Variants in TRPC4 observed in about 807,000 individuals in gnomAD.
TRPC4 encodes short transient receptor potential channel 4.
TRPC4 carries 49 observed loss-of-function variants against 99.4 expected under a neutral mutation model. The observed-to-expected ratio is 0.49, with a 90% CI of 0.39 to 0.63. The LOEUF (loss-of-function observed/expected upper bound fraction) is 0.63. Ranked by LOEUF, TRPC4 falls within the 20% of genes least tolerant of loss-of-function variation. TRPC4 has a pLI of 0.00. For missense variants in TRPC4, 898 were observed against 1,152.9 expected, an observed-to-expected ratio of 0.78 and a Z score of 3.20; for synonymous variants, 454 against 425.9, an observed-to-expected ratio of 1.07 and a Z score of -0.81.
chr13:37,676,759 TA>T (rs1329352183), intron 4 of TRPC4, among the ~76,000 whole-genome samples: 1 of 151,984 alleles, frequency 6.6e-6, no homozygotes, highest in Non-Finnish European at 1.5e-5. Context: ...AAGAAATACT[TA>T]CTAAAGACTT....
intron 1 of TRPC4, among the ~76,000 whole-genome samples, chr13:37,803,514 T>C (rs1398061735): frequency 6.6e-6 from 1 of 152,096 alleles, no homozygotes; most frequent in East Asian, 1.9e-4. Context: ...AGAGTAAACA[T>C]ATAAACAATT....
intron 1 of TRPC4, among the ~76,000 whole-genome samples, chr13:37,828,123 G>C (rs1958302968): frequency 6.6e-6 from 1 of 152,182 alleles, no homozygotes; most frequent in Non-Finnish European, 1.5e-5. Flanking sequence ...GCCTCGCCCT[G>C]CTTCGGCTGG....
In TRPC4 at chr13:37,654,943, A is replaced by T. The variant is rs900695281; in HGVS notation, c.1884+145T>A. Reference sequence around the variant, plus strand: ...ACATATAGTGTGCTACTGCTCAGAAATTTCAAATTAACCATTTATAATTCT... The same window carrying T: ...ACATATAGTGTGCTACTGCTCAGAATTTTCAAATTAACCATTTATAATTCT... On this transcript the variant is annotated intron_variant, in intron 7 of 10. Coordinates refer to ENST00000379705, the MANE Select transcript of TRPC4 (RefSeq NM_016179.4). 8.1e-6 allele frequency: 5 copies of T among 614,504 alleles called. No individual in the cohort carries two copies. The African/African-American group carries it at 9.6e-5, about 12-fold the overall frequency. 38.1% of individuals were successfully genotyped at this position (614,504 alleles called of 1,614,324 possible).
intron 8 of TRPC4, among the ~76,000 whole-genome samples, chr13:37,646,609 AAAATTG>A (rs1403537967): frequency 7.2e-5 from 11 of 152,246 alleles, no homozygotes; most frequent in Admixed American, 2.0e-4. Context: ...AAACTTCAAA[AAAATTG>A]TGGTAGATAC....
rs59651924 is a variant in TRPC4, at chr13:37,664,579, G to GAA, written c.1375-852_1375-851dup. Among the ~76,000 whole-genome samples the GAA allele has an allele frequency of 1.0e-3, 154 of 149,804 alleles. 1 individual carries two copies. The highest frequency in any genetic ancestry group is 9.3e-4 in the Non-Finnish European group (63 of 67,452). The stretch of plus-strand genomic sequence containing the variant: ...ATAAGAGTGAAACTCCATCTCAAAA[G>GAA]AAAAAAAAAGGGTCAAATATGCTCT... On this transcript the variant is annotated intron_variant, in intron 5 of 10. Transcript: ENST00000379705.
intron 2 of TRPC4, 106 bp from the exon 3 acceptor site, chr13:37,746,561 G>A: frequency 8.0e-7 from 1 of 1,243,476 alleles, no homozygotes; most frequent in South Asian, 1.9e-5. Context: ...ATATGTCCTT[G>A]GCCGGGTTTT....
At chr13:37,724,195 T>A (rs1954962398) in intron 3 of TRPC4, among the ~76,000 whole-genome samples, 1 of 152,168 alleles carries the variant, frequency 6.6e-6, no homozygotes, top group African/African-American at 2.4e-5. Context: ...AACACAGCCA[T>A]ACACATAACA....
intron 6 of TRPC4, among the ~76,000 whole-genome samples, chr13:37,657,588 AG>A (rs1279391874): frequency 7.9e-5 from 12 of 152,330 alleles, no homozygotes; most frequent in Admixed American, 3.9e-4. Context: ...TAGCAATTTA[AG>A]GAAAGTTGTA....
At chr13:37,831,789 G>A (rs756991591) in intron 1 of TRPC4, among the ~76,000 whole-genome samples, 56 of 152,170 alleles carry the variant, frequency 3.7e-4, no homozygotes, top group Non-Finnish European at 7.3e-4. Context: ...AGCACAGAGA[G>A]ACAAATACTT....
intron 1 of TRPC4, among the ~76,000 whole-genome samples, chr13:37,807,585 A>G (rs1957557818): frequency 6.6e-6 from 1 of 152,008 alleles, no homozygotes; most frequent in Admixed American, 6.6e-5. Context: ...CAAGGCATTC[A>G]ATTCCTGTTC....
chr13:37,636,605 T>C lies in TRPC4; in HGVS notation c.*298A>G, dbSNP rs927218788. On this transcript the variant is annotated 3_prime_UTR_variant, in exon 11 of 11. Transcript: ENST00000379705. ...ATGAAATAAATTGCATTTGTTTTAA[T>C]TGAAAAAGATAGCTAAAATGTTTCT... 3 of 218,332 alleles carry C rather than the reference T, an allele frequency of 1.4e-5. No individual in the cohort carries two copies. The highest frequency in any genetic ancestry group is 2.7e-5 in the Non-Finnish European group (3 of 112,302). 13.5% of individuals were successfully genotyped at this position (218,332 alleles called of 1,614,324 possible).
intron 2 of TRPC4, among the ~76,000 whole-genome samples, chr13:37,761,761 C>T (rs1377496219): frequency 6.6e-6 from 1 of 151,786 alleles, no homozygotes; most frequent in Non-Finnish European, 1.5e-5. Flanking sequence ...TTCAGTTTGA[C>T]CAGATTCATT....
intron 6 of TRPC4, among the ~76,000 whole-genome samples, chr13:37,658,981 C>T (rs543649427): frequency 2.6e-5 from 4 of 151,826 alleles, no homozygotes; most frequent in East Asian, 3.9e-4. Flanking sequence ...AGGCCATTCT[C>T]GAATAAGAGA....
intron 3 of TRPC4, among the ~76,000 whole-genome samples, chr13:37,735,116 T>C (rs1345988730): frequency 6.6e-6 from 1 of 151,540 alleles, no homozygotes; most frequent in Admixed American, 6.6e-5. Flanking sequence ...TCCTAGAGAG[T>C]TTTACTGTGT....
At chr13:37,738,827 T>A (rs1955488126) in intron 3 of TRPC4, among the ~76,000 whole-genome samples, 1 of 152,116 alleles carries the variant, frequency 6.6e-6, no homozygotes, top group Non-Finnish European at 1.5e-5. Flanking sequence ...TTAGGCAGAA[T>A]CCACATAAGA....
chr13:37,775,058 C>T (rs867002537), intron 2 of TRPC4, among the ~76,000 whole-genome samples: 3 of 151,598 alleles, frequency 2.0e-5, no homozygotes, highest in Non-Finnish European at 2.9e-5. Context: ...TTAGAGGGCT[C>T]TAATAAAATG....
chr13:37,731,456 GT>G (rs1321218958), intron 3 of TRPC4, among the ~76,000 whole-genome samples: 1 of 151,842 alleles, frequency 6.6e-6, no homozygotes, highest in Non-Finnish European at 1.5e-5. Context: ...GGCAACAATA[GT>G]CAATGAAGAA....
chr13:37,829,165 A>C (rs770833994), intron 1 of TRPC4, among the ~76,000 whole-genome samples: 4 of 152,202 alleles, frequency 2.6e-5, no homozygotes, highest in Non-Finnish European at 5.9e-5. Context: ...ACTATCAAGA[A>C]AGTAAAAGAC....
intron 3 of TRPC4, among the ~76,000 whole-genome samples, chr13:37,733,156 C>T (rs978436881): frequency 1.3e-5 from 2 of 152,092 alleles, no homozygotes; most frequent in African/African-American, 4.8e-5. Context: ...ACCTGTGGTT[C>T]CAGCTACCTG....
Sources: gnomAD v4.1 joint callset for allele counts (sites outside exome capture counted in the v4.1 genomes callset) on GRCh38, gnomAD v4.1.1 for gene constraint, MANE v1.5 for transcripts, NCBI Gene and HGNC (gene_info 2026-07-23, HGNC 2026-07-21) for gene names.